Variants in CHD4 observed in about 807,000 individuals in gnomAD.
The protein encoded by CHD4 is ATP-dependent chromatin remodeler CHD4.
In CHD4, 35 loss-of-function variants were observed where a neutral mutation model predicts 235.5. That is an observed-to-expected ratio of 0.15 (90% CI 0.11 to 0.20). The LOEUF is 0.20. Ranked by LOEUF, CHD4 falls within the 10% of genes least tolerant of loss-of-function variation. The pLI is 1.00. For synonymous variants in CHD4, 900 were observed against 850.2 expected (o/e 1.06, Z -1.02); for missense variants, 1,329 against 2,432.3 (o/e 0.55, Z 9.54).
chr12:6,577,838 T>G lies in CHD4; in HGVS notation c.5308A>C (p.Asn1770His). ...ILNEPFKGEM[N>H]RGNFLEIKNK... is the part of the protein sequence containing the mutation. ...TTGATCTCTAAGAAATTGCCACGGTTCATTTCACCCTTGAAAGGCTCATTG... is the reference window on the plus strand; with the variant it reads ...TTGATCTCTAAGAAATTGCCACGGTGCATTTCACCCTTGAAAGGCTCATTG... The change falls in exon 37 of 40, where the codon AAC (asparagine) becomes CAC (histidine). Residue 1770 changes from asparagine to histidine, a missense_variant. By Grantham distance (68) the Asn-to-His change is moderately conservative. This residue lies in a region of CHD4 where 135 missense variants were observed against 282.3 expected (regional missense o/e 0.48). Transcript: ENST00000544040. 1 of 1,614,230 alleles carries G rather than the reference T, an allele frequency of 6.2e-7. No individual in the cohort carries two copies. The highest frequency in any genetic ancestry group is 8.5e-7 in the Non-Finnish European group (1 of 1,180,046).
chr12:6,588,403 G>A lies in CHD4; in HGVS notation c.3360C>T (p.Phe1120=). ...CAGCTCGAGTGGAAAGCAAGAAGCA[G>A]AACTGCTGAGCACCCGGTGCTAATA... is the stretch of plus-strand genomic sequence containing the variant. ...DRFNAPGAQQ[F]CFLLSTRAGG... The change falls in exon 23 of 40, where the codon TTC becomes TTT. Residue 1120 remains phenylalanine, a synonymous_variant. Coordinates refer to ENST00000544040, the MANE Select transcript of CHD4 (RefSeq NM_001273.5). The A allele has an allele frequency of 1.2e-6, 2 of 1,614,124 alleles. No homozygotes were observed. The highest frequency in any genetic ancestry group is 1.7e-6 in the Non-Finnish European group (2 of 1,179,988).
Position 6,600,702 on chromosome 12 carries a change from T to C in CHD4, c.928-33A>G, listed in dbSNP as rs766871406. ...GATGAAAAAGAATAAGGTTAGACGT[T>C]CAAGCCAAGGGGAAGGACAGAGTGG... On this transcript the variant is annotated intron_variant, in intron 7 of 39. Transcript: ENST00000544040. The C allele has an allele frequency of 3.7e-6, 6 of 1,611,672 alleles. No homozygotes were observed. In the South Asian group the frequency reaches 5.5e-5, roughly 15 times the overall value.
intron 12 of CHD4, among the ~76,000 whole-genome samples, chr12:6,596,614 G>C (rs1378116124): frequency 6.6e-6 from 1 of 151,744 alleles, no homozygotes; most frequent in Non-Finnish European, 1.5e-5. Flanking sequence ...AGTCTGGCCA[G>C]CATGGAGAAA....
chr12:6,597,059 G>A (rs1325229288), intron 12 of CHD4, among the ~76,000 whole-genome samples: 1 of 149,706 alleles, frequency 6.7e-6, no homozygotes, highest in Non-Finnish European at 1.5e-5. Context: ...CACAAGGTCA[G>A]GCGATCAAGA....
At chr12:6,582,325 A>C in intron 29 of CHD4, 44 bp from the exon 30 acceptor site, 1 of 1,513,204 alleles carries the variant, frequency 6.6e-7, no homozygotes, top group Non-Finnish European at 8.8e-7. Context: ...GATCATGCTG[A>C]CTCTTAGATT....
rs1948185175 is a variant in CHD4, at chr12:6,581,353, C to T, written c.4717G>A (p.Glu1573Lys). The T allele has an allele frequency of 1.2e-6, 2 of 1,614,076 alleles. No individual in the cohort carries two copies. Among genetic ancestry groups the T allele is most frequent in the Non-Finnish European group, 1.7e-6 (2 of 1,180,032 alleles). The change falls in exon 32 of 40, where the codon GAA becomes AAA. Residue 1573 changes from glutamate (E) to lysine (K), a missense_variant. By Grantham distance (56) the Glu-to-Lys change is moderately conservative. Coordinates refer to ENST00000544040, the MANE Select transcript of CHD4 (RefSeq NM_001273.5). Reference protein sequence around the residue: ...GIKIEENSLKEEESIEGEKEV... With the variant: ...GIKIEENSLKKEESIEGEKEV... ...TTTTCTCCTTCTATGCTCTCTTCTT[C>T]TTTGAGGCTATTTTCCTCTATTTTT...
At position 6,592,793 on chromosome 12, in the gene CHD4, A is replaced by G. The variant is rs202233858; in HGVS notation, c.2677T>C (p.Ser893Pro). 7 of 1,613,460 alleles carry G rather than the reference A, an allele frequency of 4.3e-6. No individual in the cohort carries two copies. Among genetic ancestry groups the G allele is most frequent in the Non-Finnish European group, 5.9e-6 (7 of 1,179,908 alleles). ...SKFFRVLNGY[S>P]LQHKLLLTGT... ...GTCAGCAACAGCTTGTGCTGGAGTG[A>G]GTAACCATTCAATACCCGGAAGAAC... The change falls in exon 18 of 40, where the codon TCA becomes CCA. Residue 893 changes from serine (S) to proline (P), a missense_variant. Ser to Pro is a moderately conservative substitution (Grantham distance 74, BLOSUM62 -1). Around this residue, in one of 26 missense-constraint regions of CHD4, gnomAD observed 78 missense variants for 174.8 expected, o/e 0.45. Coordinates refer to ENST00000544040, the MANE Select transcript of CHD4 (RefSeq NM_001273.5).
At position 6,599,943 on chromosome 12, in the gene CHD4, C is replaced by A. The variant is rs1315086872; in HGVS notation, c.1312G>T (p.Gly438Trp). The change falls in exon 10 of 40, where the codon GGG becomes TGG. Residue 438 changes from glycine to tryptophan, a missense_variant. Physicochemically the swap from Gly to Trp is radical, Grantham distance 184 (BLOSUM62 -2). This residue lies in a region of CHD4 where 37 missense variants were observed against 49.9 expected (regional missense o/e 0.74). Coordinates refer to ENST00000544040, the MANE Select transcript of CHD4 (RefSeq NM_001273.5). ...TCATCCTCCTCTTCGAGGTCTCCCCCAACCTCTTCCAGGATCTCCTCACCC... is the reference window on the plus strand; with the variant it reads ...TCATCCTCCTCTTCGAGGTCTCCCCAAACCTCTTCCAGGATCTCCTCACCC... ...SEGEEILEEVGGDLEEEDDHH... is the reference protein window; with the variant it reads ...SEGEEILEEVWGDLEEEDDHH... 1 of 1,614,064 alleles carries A rather than the reference C, an allele frequency of 6.2e-7. No individual in the cohort carries two copies. The highest frequency in any genetic ancestry group is 8.5e-7 in the Non-Finnish European group (1 of 1,180,038).
At chr12:6,590,409 C>T (rs1048321790) in intron 22 of CHD4, among the ~76,000 whole-genome samples, 1 of 152,046 alleles carries the variant, frequency 6.6e-6, no homozygotes, top group Non-Finnish European at 1.5e-5. Flanking sequence ...ACTGCAGTTA[C>T]GTAAGTTATT....
At chr12:6,586,499 A>G (rs574397198) in intron 25 of CHD4, among the ~76,000 whole-genome samples, 1 of 152,236 alleles carries the variant, frequency 6.6e-6, no homozygotes, top group African/African-American at 2.4e-5. Flanking sequence ...TCAAGGCAGG[A>G]GAACTGCTTA....
chr12:6,602,396 T>A lies in CHD4; in HGVS notation c.202A>T (p.Ser68Cys). 6.2e-7 allele frequency: 1 copy of A among 1,614,056 alleles called. No homozygotes were observed. The highest frequency in any genetic ancestry group is 8.5e-7 in the Non-Finnish European group (1 of 1,180,014). Reference sequence around the variant, plus strand: ...CTCACCTCCTTTTTTTGGCGCTTGCTCTTAGGGATTTTAGGGTCCCGAGGT... The same window carrying A: ...CTCACCTCCTTTTTTTGGCGCTTGCACTTAGGGATTTTAGGGTCCCGAGGT... ...KKPRDPKIPK[S>C]KRQKKERMLL... The change falls in exon 3 of 40, where the codon AGC becomes TGC. Residue 68 changes from serine (S) to cysteine (C), a missense_variant. Physicochemically the swap from Ser to Cys is moderately radical, Grantham distance 112. Around this residue, in one of 26 missense-constraint regions of CHD4, gnomAD observed 213 missense variants for 177.5 expected, o/e 1.20. Transcript: ENST00000544040.
At chr12:6,599,036 G>A (rs1469223383) in intron 10 of CHD4, among the ~76,000 whole-genome samples, 2 of 152,210 alleles carry the variant, frequency 1.3e-5, no homozygotes, top group African/African-American at 2.4e-5. Flanking sequence ...AACAGAGCCA[G>A]TAGTTAGACT....
intron 2 of CHD4, among the ~76,000 whole-genome samples, chr12:6,602,712 CA>C (rs1384639046): frequency 6.6e-6 from 1 of 152,166 alleles, no homozygotes; most frequent in African/African-American, 2.4e-5. Context: ...CAGGCCAGAC[CA>C]GGCCCACCTC....
In CHD4 at chr12:6,602,010, A is replaced by G. The variant is rs1948602975; in HGVS notation, c.388T>C (p.Ser130Pro). The G allele has an allele frequency of 6.2e-7, 1 of 1,611,026 alleles. No homozygotes were observed. Among genetic ancestry groups the G allele is most frequent in the Non-Finnish European group, 8.5e-7 (1 of 1,179,906 alleles). Residue 130 changes from serine to proline, a missense_variant, in exon 4 of 40, where the codon TCC (serine) becomes CCC (proline). Ser to Pro is a moderately conservative substitution (Grantham distance 74). This residue lies in a region of CHD4 where 213 missense variants were observed against 177.5 expected (regional missense o/e 1.20). Coordinates refer to ENST00000544040, the MANE Select transcript of CHD4 (RefSeq NM_001273.5). ...TCCTCCTCCTCCTCCTTCCGCTTGG[A>G]TTTGCTCTTCTTCTCTTTCTTAGGT... ...LGPKKEKKSK[S>P]KRKEEEEEED...
At chr12:6,585,033 G>A (rs1948257692) in intron 25 of CHD4, among the ~76,000 whole-genome samples, 1 of 152,210 alleles carries the variant, frequency 6.6e-6, no homozygotes, top group African/African-American at 2.4e-5. Flanking sequence ...AACACAGCAA[G>A]GGGGATGGTT....
Position 6,573,261 on chromosome 12 carries a change from T to C in CHD4, c.5370A>G (p.Glu1790=). 8.3e-6 allele frequency: 13 copies of C among 1,565,198 alleles called. No homozygotes were observed. The highest frequency in any genetic ancestry group is 1.1e-5 in the Non-Finnish European group (13 of 1,162,538). ...GCTGTTCCTCAATCACCAGAGCTTG[T>C]TCTAAGAGCTGGACAAGGGATAAGA... ...KFLARRFKLL[E]QALVIEEQLR... The change falls in exon 38 of 40, where the codon GAA becomes GAG. Residue 1790 remains glutamate (E), a synonymous_variant. Coordinates refer to ENST00000544040, the MANE Select transcript of CHD4 (RefSeq NM_001273.5).
intron 38 of CHD4, chr12:6,572,021 G>A (rs895927447): frequency 3.3e-5 from 5 of 152,058 alleles, no homozygotes; most frequent in African/African-American, 1.2e-4. Context: ...AGCTACTCAG[G>A]AGGCTGAGGC....
rs1452161048 is a variant in CHD4 at position 6,587,860 on chromosome 12, C to G, written c.3555G>C (p.Thr1185=). ...VTRASVEERI[T]QVAKKKMMLT... The stretch of plus-strand genomic sequence containing the variant: ...GCATCATTTTCTTCTTTGCCACCTG[C>G]GTGATGCGCTCCTCCACTGACGCAC... The change falls in exon 24 of 40, where the codon ACG becomes ACC. Residue 1185 remains threonine (T), a synonymous_variant. Coordinates refer to ENST00000544040, the MANE Select transcript of CHD4 (RefSeq NM_001273.5). 3 of 1,614,230 alleles carry G rather than the reference C, an allele frequency of 1.9e-6. No homozygotes were observed. In the Admixed American group the frequency reaches 5.0e-5, roughly 27 times the overall value.
At chr12:6,606,705 T>C (rs1948707304) in intron 1 of CHD4, 1 of 197,034 alleles carries the variant, frequency 5.1e-6, no homozygotes, top group Non-Finnish European at 1.0e-5. Context: ...GACGCGGGGC[T>C]GGACCGAGCG....
Sources: gnomAD v4.1 joint callset for allele counts (sites outside exome capture counted in the v4.1 genomes callset) on GRCh38, gnomAD v4.1.1 for gene constraint, gnomAD v4.1.1 regional missense constraint, MANE v1.5 for transcripts, NCBI Gene and HGNC (gene_info 2026-07-23, HGNC 2026-07-21) for gene names.